Variants in RASA3 observed in about 807,000 individuals in gnomAD.
RASA3 encodes the protein RAS p21 protein activator 3, also known as ras GTPase-activating protein 3.
A neutral mutation model predicts 110.0 loss-of-function variants in RASA3; 73 were observed. The ratio of observed to expected loss-of-function variants is 0.66; its 90% CI spans 0.55 to 0.81. RASA3 has a LOEUF of 0.81. RASA3 is among the 30% of genes least tolerant of loss of function. The pLI is 0.00. For synonymous variants in RASA3, 500 were observed against 451.4 expected (o/e 1.11, Z -1.37); for missense variants, 976 against 1,113.2 (o/e 0.88, Z 1.75).
At chr13:113,989,507 A>ATCAC (rs1594277916) in intron 22 of RASA3, among the ~76,000 whole-genome samples, 1 of 129,094 alleles carries the variant, frequency 7.7e-6, no homozygotes, top group East Asian at 2.4e-4. Context: ...CCATCCACCC[A>ATCAC]TCACTCACCC....
rs1228040746 is a variant in RASA3, at chr13:114,102,556, T to G, written c.56-28719A>C. Among the ~76,000 whole-genome samples, 6 of 152,266 alleles carry G rather than the reference T, an allele frequency of 3.9e-5. No individual in the cohort carries two copies. The East Asian group carries it at 9.7e-4, about 25-fold the overall frequency. On this transcript the variant is annotated intron_variant, in intron 1 of 23. Coordinates refer to ENST00000334062, the MANE Select transcript of RASA3 (RefSeq NM_007368.4). ...GACGTTTTGTGCCAGCACTGCCCTCTACACACAAACTCTCAGGAACCATCA... is the reference window on the plus strand; with the variant it reads ...GACGTTTTGTGCCAGCACTGCCCTCGACACACAAACTCTCAGGAACCATCA...
intron 1 of RASA3, among the ~76,000 whole-genome samples, chr13:114,100,670 G>A (rs1226766753): frequency 1.3e-5 from 2 of 152,314 alleles, no homozygotes; most frequent in Middle Eastern, 3.4e-3. Flanking sequence ...CAGGACACCT[G>A]GGCAAACAGC....
At chr13:114,060,879 G>A (rs2079327769) in intron 2 of RASA3, among the ~76,000 whole-genome samples, 1 of 152,164 alleles carries the variant, frequency 6.6e-6, no homozygotes, top group Non-Finnish European at 1.5e-5. Context: ...GCCAGGCTCT[G>A]CCACCTCCAC....
intron 2 of RASA3, among the ~76,000 whole-genome samples, chr13:114,069,462 G>A (rs1440687549): frequency 2.9e-5 from 3 of 102,104 alleles, no homozygotes; most frequent in East Asian, 3.3e-4. Context: ...GACTTGGGGG[G>A]CTGGGAGACT....
rs1486527138 is a variant in RASA3 at position 114,048,455 on chromosome 13, G to T, written c.277+3597C>A. On this transcript the variant is annotated intron_variant, in intron 3 of 23. Transcript: ENST00000334062. The surrounding 1 kb of genome is among the most constrained non-coding windows in gnomAD (Gnocchi z 4.3). ...TACCAGAGCCGGGGCCCAGAGGAAG[G>T]TGGAGGCCTAGCGGGAAAAGGAGGG... Among the ~76,000 whole-genome samples the T allele has an allele frequency of 2.0e-5, 3 of 150,320 alleles. No homozygotes were observed. The highest frequency in any genetic ancestry group is 4.4e-5 in the Non-Finnish European group (3 of 67,992).
intron 22 of RASA3, among the ~76,000 whole-genome samples, chr13:113,989,112 ACCATCACTCACCCATCTGTCCATCCAC>A (rs1395870396): frequency 1.7e-4 from 14 of 81,954 alleles, no homozygotes; most frequent in African/African-American, 6.4e-4. Flanking sequence ...TCTGTCCATC[ACCATCACTCACCCATCTGTCCATCCAC>A]CCATCACTCA....
chr13:114,103,222 G>A lies in RASA3; in HGVS notation c.55+29213C>T, dbSNP rs1310707668. ...GTCCACCGGAAATGTGTGCACATTC[G>A]CCCTACCCCACTGTGTACCTGGCCC... On this transcript the variant is annotated intron_variant, in intron 1 of 23. Coordinates refer to ENST00000334062, the MANE Select transcript of RASA3 (RefSeq NM_007368.4). Among the ~76,000 whole-genome samples the A allele has an allele frequency of 1.1e-4, 16 of 152,230 alleles. No homozygotes were observed. In the East Asian group the frequency reaches 1.5e-3, roughly 15 times the overall value.
Position 114,068,337 on chromosome 13 carries a change from C to T in RASA3, c.173+5383G>A, listed in dbSNP as rs750351072. 4.6e-5 allele frequency among the ~76,000 whole-genome samples: 7 copies of T among 152,238 alleles called. No homozygotes were observed. In the South Asian group the frequency reaches 6.2e-4, roughly 13 times the overall value. ...AGCCTCCCTGAGCCAGGACTGTCTG[C>T]GTGGATGAGGGTTTGGGGAGAGGTC... On this transcript the variant is annotated intron_variant, in intron 2 of 23. Coordinates refer to ENST00000334062, the MANE Select transcript of RASA3 (RefSeq NM_007368.4).
At chr13:114,039,986 C>T (rs1464992993) in intron 4 of RASA3, among the ~76,000 whole-genome samples, 2 of 152,242 alleles carry the variant, frequency 1.3e-5, no homozygotes, top group African/African-American at 4.8e-5. Flanking sequence ...GGCAACAGCC[C>T]GCCCAGCCAA....
intron 21 of RASA3, among the ~76,000 whole-genome samples, chr13:113,993,583 G>A (rs61967988): frequency 0.14 from 21,122 of 151,406 alleles, 1,589 homozygotes; most frequent in South Asian, 0.2. Context: ...CGAGGCAGGT[G>A]GATCATCTGA....
At chr13:114,118,374 TTACTC>T (rs994555025) in intron 1 of RASA3, among the ~76,000 whole-genome samples, 1 of 152,086 alleles carries the variant, frequency 6.6e-6, no homozygotes, top group African/African-American at 2.4e-5. Context: ...AAAAATCACT[TTACTC>T]TAACTAATAT....
At chr13:114,117,134 T>G (rs950182325) in intron 1 of RASA3, among the ~76,000 whole-genome samples, 1 of 122,584 alleles carries the variant, frequency 8.2e-6, no homozygotes, top group African/African-American at 3.3e-5. Flanking sequence ...GATGCATGTG[T>G]GTGAGGAGAG....
chr13:114,062,118 AGACACGATTTTCCAC>A (rs940002158), intron 2 of RASA3, among the ~76,000 whole-genome samples: 1 of 151,906 alleles, frequency 6.6e-6, no homozygotes, highest in African/African-American at 2.4e-5. Flanking sequence ...ACATCCAGCA[AGACACGATTTTCCAC>A]GATGAGTTGA....
intron 2 of RASA3, among the ~76,000 whole-genome samples, chr13:114,069,247 T>C (rs1460884020): frequency 6.6e-6 from 1 of 151,938 alleles, no homozygotes; most frequent in Admixed American, 6.5e-5. Context: ...ACCCAAGTGC[T>C]TCTCCCCAGG....
At chr13:114,094,904 C>T (rs1438994427) in intron 1 of RASA3, among the ~76,000 whole-genome samples, 7 of 152,220 alleles carry the variant, frequency 4.6e-5, no homozygotes, top group Non-Finnish European at 1.0e-4. Context: ...TCTCATATCC[C>T]GCCCCACCTA....
At chr13:114,123,275 A>C (rs1328923630) in intron 1 of RASA3, among the ~76,000 whole-genome samples, 1 of 152,198 alleles carries the variant, frequency 6.6e-6, no homozygotes, top group African/African-American at 2.4e-5. Context: ...AAGTGACAAG[A>C]TCAAGGCAAA....
chr13:114,075,690 C>G (rs55840641), intron 1 of RASA3, among the ~76,000 whole-genome samples: 10 of 56,616 alleles, frequency 1.8e-4, no homozygotes, highest in Admixed American at 1.3e-3. Flanking sequence ...CGTATCTCTG[C>G]GTGTGGAGGC....
chr13:113,995,002 G>A (rs972939701), intron 21 of RASA3, among the ~76,000 whole-genome samples: 3 of 152,312 alleles, frequency 2.0e-5, no homozygotes, highest in East Asian at 1.9e-4. Flanking sequence ...AAGCATCCCC[G>A]AGCTGGGAGA....
intron 2 of RASA3, among the ~76,000 whole-genome samples, chr13:114,060,789 G>A (rs1314220805): frequency 6.6e-6 from 1 of 152,244 alleles, no homozygotes; most frequent in Non-Finnish European, 1.5e-5. Context: ...AAGTCCAGTG[G>A]CTTGAAAGGG....
Sources: gnomAD v4.1 joint callset for allele counts (sites outside exome capture counted in the v4.1 genomes callset) on GRCh38, gnomAD v4.1.1 for gene constraint, Gnocchi (gnomAD v3.1) non-coding constraint, MANE v1.5 for transcripts, NCBI Gene and HGNC (gene_info 2026-07-23, HGNC 2026-07-21) for gene names.